The following KLHL14 variants were observed in gnomAD, a reference collection of about 807,000 sequenced individuals.
KLHL14 encodes the protein kelch-like protein 14.
KLHL14 carries 22 observed loss-of-function variants against 64.3 expected under a neutral mutation model. That is an observed-to-expected ratio of 0.34 (90% CI 0.24 to 0.49). KLHL14 has a LOEUF of 0.49. Among genes scored for constraint, KLHL14 ranks in the 20% least tolerant of loss-of-function variants. KLHL14 has a pLI of 0.99. For synonymous variants in KLHL14, 322 were observed against 333.4 expected (o/e 0.97, Z 0.37); for missense variants, 661 against 789.0 (o/e 0.84, Z 1.94).
At position 32,674,592 on chromosome 18, in the gene KLHL14, A is replaced by G; in HGVS notation, c.*65T>C. 4.0e-6 allele frequency: 3 copies of G among 756,918 alleles called. No individual in the cohort carries two copies. In the South Asian group the frequency reaches 4.2e-5, roughly 11 times the overall value. The allele number at this position is 756,918 out of a possible 1,614,324, so 46.9% of individuals were successfully genotyped here. On this transcript the variant is annotated 3_prime_UTR_variant, in exon 9 of 9. Transcript: ENST00000359358. ...CATTAGAATGCATTGTTCCTATTAT[A>G]ATAGTGATGTCACCTGCCATTGCTT...
chr18:32,756,549 G>C (rs926355457), intron 2 of KLHL14, among the ~76,000 whole-genome samples: 1 of 152,162 alleles, frequency 6.6e-6, no homozygotes, highest in African/African-American at 2.4e-5. Flanking sequence ...CTGATGGAAG[G>C]CTTGAGGGGC....
At chr18:32,698,839 C>A (rs2049949017) in intron 3 of KLHL14, among the ~76,000 whole-genome samples, 1 of 152,144 alleles carries the variant, frequency 6.6e-6, no homozygotes, top group Non-Finnish European at 1.5e-5. Flanking sequence ...GCCCGTTCCA[C>A]TCCAAACACC....
intron 2 of KLHL14, among the ~76,000 whole-genome samples, chr18:32,751,251 A>T (rs928526719): frequency 6.6e-6 from 1 of 152,222 alleles, no homozygotes; most frequent in Non-Finnish European, 1.5e-5. Flanking sequence ...AAAATTTTCC[A>T]GCGAAGTAAA....
rs200976611 is a variant in KLHL14 at position 32,680,494 on chromosome 18, C to G, written c.1344G>C (p.Thr448=). ...LSSVECYNLE[T]NEWRYVSSLP... Reference sequence around the variant, plus strand: ...AAGAGGACACATAGCGCCATTCATTCGTTTCTAGGTTATAGCACTCCACGC... The same window carrying G: ...AAGAGGACACATAGCGCCATTCATTGGTTTCTAGGTTATAGCACTCCACGC... Residue 448 remains threonine (T), a synonymous_variant, in exon 6 of 9, where the codon ACG becomes ACC. Coordinates refer to ENST00000359358, the MANE Select transcript of KLHL14 (RefSeq NM_020805.3). This position sits in a 1 kb window ranked among gnomAD's most constrained non-coding sequence, Gnocchi z 4.8. 1 of 1,613,992 alleles carries G rather than the reference C, an allele frequency of 6.2e-7. No homozygotes were observed. Among genetic ancestry groups the G allele is most frequent in the Non-Finnish European group, 8.5e-7 (1 of 1,179,916 alleles).
At chr18:32,722,658 A>G (rs144611802) in intron 3 of KLHL14, among the ~76,000 whole-genome samples, 1 of 152,198 alleles carries the variant, frequency 6.6e-6, no homozygotes, top group Non-Finnish European at 1.5e-5. Flanking sequence ...GGAAAAAAAA[A>G]CAGCAATCCA....
intron 4 of KLHL14, among the ~76,000 whole-genome samples, chr18:32,693,741 C>T (rs2049923416): frequency 6.6e-6 from 1 of 152,106 alleles, no homozygotes; most frequent in African/African-American, 2.4e-5. Context: ...AGCATATTCA[C>T]TGATGGCTTT....
chr18:32,704,761 A>T (rs1447246923), intron 3 of KLHL14, among the ~76,000 whole-genome samples: 2 of 152,158 alleles, frequency 1.3e-5, no homozygotes, highest in Non-Finnish European at 2.9e-5. Context: ...AATTCATTTC[A>T]TTCAAAAATA....
intron 3 of KLHL14, among the ~76,000 whole-genome samples, chr18:32,711,222 A>G (rs2050017515): frequency 6.6e-6 from 1 of 152,162 alleles, no homozygotes; most frequent in African/African-American, 2.4e-5. Flanking sequence ...GCTACATGTA[A>G]AAGCTAAGAG....
intron 3 of KLHL14, among the ~76,000 whole-genome samples, chr18:32,723,388 T>A (rs537083093): frequency 6.6e-6 from 1 of 152,224 alleles, no homozygotes; most frequent in South Asian, 2.1e-4. Flanking sequence ...CTGACCAAAT[T>A]AGGGGCTCTC....
intron 3 of KLHL14, among the ~76,000 whole-genome samples, chr18:32,731,798 T>C (rs1361953643): frequency 6.6e-6 from 1 of 151,998 alleles, no homozygotes; most frequent in Non-Finnish European, 1.5e-5. Flanking sequence ...ATACAATAAA[T>C]ACTAGAAACA....
chr18:32,716,506 C>A (rs1240846284), intron 3 of KLHL14, among the ~76,000 whole-genome samples: 1 of 152,082 alleles, frequency 6.6e-6, no homozygotes, highest in Non-Finnish European at 1.5e-5. Flanking sequence ...CCTCTGCCAC[C>A]CAGGTTCAAG....
chr18:32,699,958 A>G (rs557956210), intron 3 of KLHL14, among the ~76,000 whole-genome samples: 27 of 151,038 alleles, frequency 1.8e-4, no homozygotes, highest in Admixed American at 1.1e-3. Context: ...GTAAGGACAT[A>G]TTTCAACCTT....
intron 3 of KLHL14, among the ~76,000 whole-genome samples, chr18:32,726,272 C>T (rs964362786): frequency 3.9e-5 from 6 of 152,166 alleles, no homozygotes; most frequent in African/African-American, 1.4e-4. Flanking sequence ...ATATTTACTA[C>T]CTAGCCCTTC....
At chr18:32,757,861 A>AT (rs2050289835) in intron 2 of KLHL14, among the ~76,000 whole-genome samples, 1 of 152,214 alleles carries the variant, frequency 6.6e-6, no homozygotes. Flanking sequence ...AATAATAGTC[A>AT]TAAGTGTCAT....
intron 3 of KLHL14, among the ~76,000 whole-genome samples, chr18:32,735,096 T>C (rs1043152252): frequency 6.6e-6 from 1 of 152,236 alleles, no homozygotes; most frequent in African/African-American, 2.4e-5. Context: ...TTATTTCAAT[T>C]AGCCTATTCT....
intron 3 of KLHL14, among the ~76,000 whole-genome samples, chr18:32,697,995 T>A (rs944496540): frequency 6.6e-5 from 10 of 152,208 alleles, no homozygotes; most frequent in Non-Finnish European, 1.2e-4. Context: ...ATTGAGAGGC[T>A]ATAAATATAC....
intron 2 of KLHL14, among the ~76,000 whole-genome samples, chr18:32,755,498 T>C (rs1278370973): frequency 2.0e-5 from 3 of 152,172 alleles, no homozygotes; most frequent in African/African-American, 7.2e-5. Flanking sequence ...TATGACTCAT[T>C]TCCCTTTTTC....
chr18:32,712,579 G>A (rs1282794075), intron 3 of KLHL14, among the ~76,000 whole-genome samples: 2 of 152,258 alleles, frequency 1.3e-5, no homozygotes, highest in South Asian at 2.1e-4. Context: ...CCTATCAGCA[G>A]GGAAACATGC....
chr18:32,769,572 T>TG, intron 2 of KLHL14, 73 bp downstream of exon 2: 143 of 295,588 alleles, frequency 4.8e-4, no homozygotes, highest in East Asian at 6.2e-4. Flanking sequence ...CCCTCCTCCC[T>TG]GCCCCCTCCC....
Sources: gnomAD v4.1 joint callset for allele counts (sites outside exome capture counted in the v4.1 genomes callset) on GRCh38, gnomAD v4.1.1 for gene constraint, Gnocchi (gnomAD v3.1) non-coding constraint, MANE v1.5 for transcripts, NCBI Gene and HGNC (gene_info 2026-07-23, HGNC 2026-07-21) for gene names.